DNAH7: variants seen among roughly 807,000 people sequenced by gnomAD.
DNAH7 encodes dynein axonemal heavy chain 7.
Under a neutral mutation model 444.6 loss-of-function variants are expected in DNAH7, and 397 were observed. That is an observed-to-expected ratio of 0.89 (90% CI 0.82 to 0.97). The LOEUF is 0.97. DNAH7 is among the 50% of genes least tolerant of loss of function. The pLI is 0.00. For synonymous variants in DNAH7, 1,636 were observed against 1,624.4 expected (o/e 1.01, Z -0.17); for missense variants, 4,902 against 4,800.8 (o/e 1.02, Z -0.62).
chr2:195,949,134 GA>G (rs1397488005), intron 19 of DNAH7, among the ~76,000 whole-genome samples: 1 of 152,156 alleles, frequency 6.6e-6, no homozygotes, highest in Non-Finnish European at 1.5e-5. Flanking sequence ...TCTGCACACT[GA>G]TTTTGTATCC....
At chr2:195,757,713 G>A (rs2105914723) in intron 61 of DNAH7, among the ~76,000 whole-genome samples, 1 of 152,280 alleles carries the variant, frequency 6.6e-6, no homozygotes, top group South Asian at 2.1e-4. Context: ...GCATACAGAA[G>A]AAACCTGATC....
chr2:195,982,847 A>T (rs1253187282), intron 15 of DNAH7, among the ~76,000 whole-genome samples: 2 of 152,114 alleles, frequency 1.3e-5, no homozygotes, highest in Non-Finnish European at 2.9e-5. Context: ...GATGTGGGGG[A>T]TGTGGTGATG....
At chr2:195,906,456 T>TC (rs1553558221) in intron 27 of DNAH7, among the ~76,000 whole-genome samples, 1 of 117,084 alleles carries the variant, frequency 8.5e-6, no homozygotes, top group Non-Finnish European at 1.6e-5. Context: ...TTTCTTTCTT[T>TC]TTTTTTTTTT....
chr2:195,866,856 T>G (rs1700369675), intron 40 of DNAH7, among the ~76,000 whole-genome samples: 1 of 152,170 alleles, frequency 6.6e-6, no homozygotes. Flanking sequence ...GGGAGGCAAT[T>G]GAATCATGGG....
At chr2:195,904,566 A>G (rs938749199) in intron 27 of DNAH7, 1 of 152,190 alleles carries the variant, frequency 6.6e-6, no homozygotes, top group Non-Finnish European at 1.5e-5. Context: ...GCTGAAGATT[A>G]TATGATTAGA....
At chr2:195,796,486 T>G in intron 56 of DNAH7, 90 bp downstream of exon 56, 1 of 1,422,030 alleles carries the variant, frequency 7.0e-7, no homozygotes, top group Non-Finnish European at 9.6e-7. Context: ...ACGCTCCAAA[T>G]TAGAGGGGAA....
intron 29 of DNAH7, among the ~76,000 whole-genome samples, chr2:195,896,687 T>C (rs575475057): frequency 6.6e-6 from 1 of 152,304 alleles, no homozygotes; most frequent in African/African-American, 2.4e-5. Flanking sequence ...AAAATAAACA[T>C]AGGTTTTACT....
chr2:196,001,117 C>A (rs951976088), intron 11 of DNAH7, among the ~76,000 whole-genome samples: 4 of 152,132 alleles, frequency 2.6e-5, no homozygotes, highest in Admixed American at 1.3e-4. Context: ...CCCAGAAAAA[C>A]AAGCGTACAT....
intron 18 of DNAH7, among the ~76,000 whole-genome samples, chr2:195,959,172 T>C (rs1268819074): frequency 6.6e-6 from 1 of 152,186 alleles, no homozygotes; most frequent in Non-Finnish European, 1.5e-5. Flanking sequence ...TCTGTGATTT[T>C]AGATCTTTAA....
intron 63 of DNAH7, among the ~76,000 whole-genome samples, chr2:195,752,107 CA>C (rs1312112350): frequency 6.6e-6 from 1 of 151,740 alleles, no homozygotes; most frequent in Non-Finnish European, 1.5e-5. Flanking sequence ...CCTGTCTATA[CA>C]AAAAAATGAA....
intron 48 of DNAH7, 35 bp downstream of exon 48, chr2:195,834,171 G>C: frequency 6.3e-7 from 1 of 1,576,918 alleles, no homozygotes; most frequent in Non-Finnish European, 8.7e-7. Flanking sequence ...TCTCCAGGCA[G>C]TTCTGTAATG....
At chr2:195,743,188 G>A (rs1364633821) in intron 63 of DNAH7, among the ~76,000 whole-genome samples, 3 of 152,222 alleles carry the variant, frequency 2.0e-5, no homozygotes, top group African/African-American at 7.2e-5. Context: ...GGGCTCTTGG[G>A]CCTGCGGCCA....
intron 21 of DNAH7, among the ~76,000 whole-genome samples, chr2:195,933,485 A>G (rs1164811053): frequency 6.6e-6 from 1 of 152,178 alleles, no homozygotes; most frequent in Non-Finnish European, 1.5e-5. Flanking sequence ...AATAGCAAAG[A>G]CTTGGAGCCA....
intron 1 of DNAH7, among the ~76,000 whole-genome samples, chr2:196,065,461 T>C (rs183717195): frequency 1.3e-5 from 2 of 152,326 alleles, no homozygotes; most frequent in East Asian, 3.9e-4. Flanking sequence ...ATGTCTGTGA[T>C]GGTTGTGCTC....
intron 41 of DNAH7, among the ~76,000 whole-genome samples, chr2:195,862,383 C>T (rs1700071961): frequency 6.6e-6 from 1 of 152,128 alleles, no homozygotes; most frequent in Admixed American, 6.5e-5. Flanking sequence ...CAATTCAAGC[C>T]TCCACTATCA....
intron 15 of DNAH7, among the ~76,000 whole-genome samples, chr2:195,976,832 C>G (rs1008317236): frequency 6.7e-6 from 1 of 148,710 alleles, no homozygotes; most frequent in Non-Finnish European, 1.5e-5. Flanking sequence ...GAATAAGAGT[C>G]TCTGCCTGGT....
rs1474707908 is a variant in DNAH7 at position 195,845,176 on chromosome 2, T to C, written c.8782-11A>G. 2.5e-6 allele frequency: 4 copies of C among 1,597,202 alleles called. No individual in the cohort carries two copies. The highest frequency in any genetic ancestry group is 1.7e-4 in the Middle Eastern group (1 of 5,974). ...CTCTTTAGTTTGATTCTTTAGAACATCCACAGAAAGATAAAGAAATGAGAC... is the reference window on the plus strand; with the variant it reads ...CTCTTTAGTTTGATTCTTTAGAACACCCACAGAAAGATAAAGAAATGAGAC... On this transcript the variant is annotated splice_polypyrimidine_tract_variant and intron_variant, in intron 46 of 64. Transcript: ENST00000312428.
In DNAH7 at chr2:195,771,872, C is replaced by T; in HGVS notation, c.11221G>A (p.Gly3741Ser). 6.2e-7 allele frequency: 1 copy of T among 1,614,154 alleles called. No individual in the cohort carries two copies. The highest frequency in any genetic ancestry group is 8.5e-7 in the Non-Finnish European group (1 of 1,180,018). ...ACTACTTCATCTGATGATTTTGCACCAGCACCTGCTGAACGAGACTATGAA... is the reference window on the plus strand; with the variant it reads ...ACTACTTCATCTGATGATTTTGCACTAGCACCTGCTGAACGAGACTATGAA... ...LLTQSRSAGA[G>S]AKSSDEVVNE... Residue 3741 changes from glycine to serine, a missense_variant, in exon 61 of 65, where the codon GGT becomes AGT. Transcript: ENST00000312428.
intron 53 of DNAH7, among the ~76,000 whole-genome samples, chr2:195,807,318 A>T (rs1039647634): frequency 1.3e-5 from 2 of 151,984 alleles, no homozygotes; most frequent in Non-Finnish European, 2.9e-5. Flanking sequence ...CACCATACCC[A>T]GCTAACTTTT....
Sources: gnomAD v4.1 joint callset for allele counts (sites outside exome capture counted in the v4.1 genomes callset) on GRCh38, gnomAD v4.1.1 for gene constraint, MANE v1.5 for transcripts, NCBI Gene and HGNC (gene_info 2026-07-23, HGNC 2026-07-21) for gene names.